Variants in MYO18B observed in about 807,000 individuals in gnomAD.
MYO18B encodes unconventional myosin-XVIIIb.
MYO18B carries 204 observed loss-of-function variants against 273.0 expected under a neutral mutation model. The ratio of observed to expected loss-of-function variants is 0.75; its 90% CI spans 0.67 to 0.84. The LOEUF (loss-of-function observed/expected upper bound fraction) is 0.84, where lower values mean the gene tolerates loss of function less well. MYO18B is among the 40% of genes least tolerant of loss of function. The pLI is 0.00. For missense variants in MYO18B, 3,212 were observed against 3,287.6 expected, an observed-to-expected ratio of 0.98 and a Z score of 0.56; for synonymous variants, 1,330 against 1,305.7, an observed-to-expected ratio of 1.02 and a Z score of -0.40.
chr22:25,750,822 G>A (rs527533859), intron 1 of MYO18B, among the ~76,000 whole-genome samples: 1 of 152,334 alleles, frequency 6.6e-6, no homozygotes, highest in South Asian at 2.1e-4. Context: ...ATGGTGTCAT[G>A]GAGGAAGGTG....
intron 39 of MYO18B, among the ~76,000 whole-genome samples, chr22:25,955,718 A>G (rs779894626): frequency 5.9e-5 from 9 of 152,180 alleles, no homozygotes; most frequent in Non-Finnish European, 1.2e-4. Context: ...TTAACGGCCT[A>G]TCTTTCACCA....
chr22:25,944,846 C>CAAAA (rs55989904), intron 34 of MYO18B, among the ~76,000 whole-genome samples: 2 of 75,632 alleles, frequency 2.6e-5, no homozygotes, highest in African/African-American at 4.8e-5. Flanking sequence ...GACTCCATCT[C>CAAAA]AAAAAAAAAA....
At chr22:25,857,397 G>T (rs1201959948) in intron 21 of MYO18B, among the ~76,000 whole-genome samples, 1 of 152,140 alleles carries the variant, frequency 6.6e-6, no homozygotes, top group Non-Finnish European at 1.5e-5. Flanking sequence ...ATAATTAAGG[G>T]CTGTCAATCC....
At chr22:25,913,345 A>G (rs114663447) in intron 33 of MYO18B, among the ~76,000 whole-genome samples, 3,249 of 148,110 alleles carry the variant, frequency 0.022, 106 homozygotes, top group African/African-American at 0.077. Context: ...CATTTTTCAC[A>G]TGTTGATTGT....
At chr22:25,791,678 C>T (rs2087668003) in intron 11 of MYO18B, among the ~76,000 whole-genome samples, 1 of 152,150 alleles carries the variant, frequency 6.6e-6, no homozygotes, top group Non-Finnish European at 1.5e-5. Context: ...CAGTTTGCTT[C>T]TGGCTGTCAC....
At chr22:26,020,542 TTAAGATTTTAAAA>T (rs1305376112) in intron 42 of MYO18B, among the ~76,000 whole-genome samples, 2 of 152,140 alleles carry the variant, frequency 1.3e-5, no homozygotes. Flanking sequence ...CAGACAAGGG[TTAAGATTTTAAAA>T]TTTATGTTAT....
intron 17 of MYO18B, among the ~76,000 whole-genome samples, chr22:25,838,990 A>T (rs898964128): frequency 6.6e-6 from 1 of 150,868 alleles, no homozygotes; most frequent in Admixed American, 6.6e-5. Context: ...TATGTAGTGC[A>T]TGTGCCTGTG....
intron 15 of MYO18B, 27 bp from the exon 16 acceptor site, chr22:25,832,889 CT>C: frequency 6.3e-7 from 1 of 1,596,402 alleles, no homozygotes; most frequent in East Asian, 2.2e-5. Context: ...GCTAAAAGTG[CT>C]AACTTTTAAA....
chr22:26,040,993 G>A, the MYO18B span, among the ~76,000 whole-genome samples: 1 of 152,154 alleles, frequency 6.6e-6, no homozygotes, highest in African/African-American at 2.4e-5. Context: ...TGCTAAAACA[G>A]GGAAAGTCCT....
At chr22:25,913,420 G>A (rs148709999) in intron 33 of MYO18B, among the ~76,000 whole-genome samples, 266 of 152,322 alleles carry the variant, frequency 1.7e-3, no homozygotes, top group African/African-American at 6.2e-3. Context: ...CTGGAGTGCA[G>A]TGGTGTGATC....
rs774304270 is a variant in MYO18B, at chr22:25,963,178, T to TCTCTCTCACA, written c.6156+7815_6156+7816insTCTCTCACAC. On this transcript the variant is annotated intron_variant, in intron 39 of 43. Transcript: ENST00000335473. Reference sequence around the variant, plus strand: ...TCTTTCTCCTCTCTCTCTCTCTCTCTCACACACACACACACACACACACAC... The same window carrying TCTCTCTCACA: ...TCTTTCTCCTCTCTCTCTCTCTCTCTCTCTCTCACACACACACACACACACACACACACAC... 1.3e-3 allele frequency among the ~76,000 whole-genome samples: 187 copies of TCTCTCTCACA among 144,170 alleles called. 2 individuals are homozygous for TCTCTCTCACA. The highest frequency in any genetic ancestry group is 4.5e-3 in the African/African-American group (173 of 38,522). The allele number at this position is 144,170 out of a possible 152,430, so 94.6% of individuals were successfully genotyped here.
intron 12 of MYO18B, among the ~76,000 whole-genome samples, chr22:25,800,492 G>T (rs922984256): frequency 1.3e-5 from 2 of 152,218 alleles, no homozygotes; most frequent in Admixed American, 6.5e-5. Context: ...TGCATATTTG[G>T]GGAAGGACCC....
chr22:25,768,250 T>C lies in MYO18B; in HGVS notation c.334T>C (p.Ser112Pro). 1 of 1,613,582 alleles carries C rather than the reference T, an allele frequency of 6.2e-7. No homozygotes were observed. Among genetic ancestry groups the C allele is most frequent in the Non-Finnish European group, 8.5e-7 (1 of 1,179,772 alleles). Residue 112 changes from serine (S) to proline (P), a missense_variant, in exon 4 of 44, where the codon TCC becomes CCC. Transcript: ENST00000335473. ...CATTCTGGGCAAGGAGAGCGAGGGG[T>C]CCCGCAGCCCCGACCCTGAGCAGAT... ...SDILGKESEG[S>P]RSPDPEQMTS...
At chr22:25,897,616 C>T (rs1053827890) in intron 28 of MYO18B, 4 of 152,170 alleles carry the variant, frequency 2.6e-5, no homozygotes, top group African/African-American at 7.2e-5. Context: ...TCCCATTTGC[C>T]TTCAAATACT....
intron 33 of MYO18B, among the ~76,000 whole-genome samples, chr22:25,917,045 AAAAC>A (rs751951468): frequency 3.3e-5 from 5 of 152,342 alleles, no homozygotes; most frequent in African/African-American, 7.2e-5. Context: ...AACAAAAAAC[AAAAC>A]AAACAAAGAA....
chr22:25,770,265 T>C, intron 5 of MYO18B, 89 bp downstream of exon 5: 1 of 1,345,152 alleles, frequency 7.4e-7, no homozygotes, highest in Non-Finnish European at 1.1e-6. Context: ...GTCCTGATTA[T>C]ACTTTGGTGG....
intron 39 of MYO18B, among the ~76,000 whole-genome samples, chr22:25,990,108 G>T (rs1332966074): frequency 6.6e-6 from 1 of 152,146 alleles, no homozygotes; most frequent in East Asian, 1.9e-4. Context: ...TGGCCCTTAG[G>T]CTTACTCAGT....
At chr22:26,050,290 T>G in the MYO18B span, among the ~76,000 whole-genome samples, 13 of 152,278 alleles carry the variant, frequency 8.5e-5, no homozygotes, top group South Asian at 2.7e-3. Flanking sequence ...ACCGGAAGTA[T>G]GTCGTGCAGG....
At chr22:25,748,865 G>A (rs1489495410) in intron 1 of MYO18B, among the ~76,000 whole-genome samples, 1 of 152,208 alleles carries the variant, frequency 6.6e-6, no homozygotes, top group African/African-American at 2.4e-5. Context: ...TGTGTGCTGG[G>A]CAAAGTCCCT....
Sources: gnomAD v4.1 joint callset for allele counts (sites outside exome capture counted in the v4.1 genomes callset) on GRCh38, gnomAD v4.1.1 for gene constraint, MANE v1.5 for transcripts, NCBI Gene and HGNC (gene_info 2026-07-23, HGNC 2026-07-21) for gene names.